RELB: variants seen among roughly 807,000 people sequenced by gnomAD.
The protein encoded by RELB is transcription factor RelB.
In RELB, 14 loss-of-function variants were observed where a neutral mutation model predicts 55.4. That is an observed-to-expected ratio of 0.25 (90% CI 0.17 to 0.40). The LOEUF (loss-of-function observed/expected upper bound fraction) is 0.40, where lower values mean the gene tolerates loss of function less well. Among genes scored for constraint, RELB ranks in the 10% least tolerant of loss-of-function variants. The pLI is 1.00. For synonymous variants in RELB, 409 were observed against 371.3 expected (o/e 1.10, Z -1.17); for missense variants, 669 against 830.7 (o/e 0.81, Z 2.39).
At chr19:45,003,892 G>T (rs1450264926) in intron 2 of RELB, among the ~76,000 whole-genome samples, 3 of 137,708 alleles carry the variant, frequency 2.2e-5, no homozygotes, top group African/African-American at 5.3e-5. Context: ...TGTGTGTGTG[G>T]GTTTTTTTTG....
At chr19:45,006,551 G>A (rs1971284393) in intron 2 of RELB, among the ~76,000 whole-genome samples, 1 of 152,006 alleles carries the variant, frequency 6.6e-6, no homozygotes, top group Admixed American at 6.6e-5. Flanking sequence ...TGGACCCTGG[G>A]GATAAAATGA....
At position 45,037,576 on chromosome 19, in the gene RELB, C is replaced by A. The variant is rs776495576; in HGVS notation, c.1526C>A (p.Pro509Gln). The A allele has an allele frequency of 6.2e-7, 1 of 1,612,508 alleles. No homozygotes were observed. Among genetic ancestry groups the A allele is most frequent in the South Asian group, 1.1e-5 (1 of 91,034 alleles). Reference sequence around the variant, plus strand: ...ATGCTGGACCTGCTGCCCCCGGCACCGCCACACGCTAGCGCTGTTGTGTGC... The same window carrying A: ...ATGCTGGACCTGCTGCCCCCGGCACAGCCACACGCTAGCGCTGTTGTGTGC... ...FTMLDLLPPA[P>Q]PHASAVVCSG... The change falls in exon 12 of 12, where the codon CCG (proline) becomes CAG (glutamine). Residue 509 changes from proline (P) to glutamine (Q), a missense_variant. Pro to Gln is a moderately conservative substitution (Grantham distance 76, BLOSUM62 -1). Transcript: ENST00000221452.
intron 5 of RELB, 26 bp from the exon 6 acceptor site, chr19:45,025,303 C>G (rs764183116): frequency 4.5e-6 from 7 of 1,561,234 alleles, no homozygotes; most frequent in Middle Eastern, 3.3e-4. Context: ...ACGAGCACTC[C>G]TCTCCCTCCC....
intron 4 of RELB, among the ~76,000 whole-genome samples, chr19:45,012,832 C>T (rs1309571608): frequency 3.3e-5 from 5 of 151,704 alleles, no homozygotes; most frequent in African/African-American, 4.8e-5. Flanking sequence ...GCGGATCACT[C>T]GAGCTCAGGA....
Position 45,001,659 on chromosome 19 carries a change from C to G in RELB, c.80C>G (p.Pro27Arg), listed in dbSNP as rs1206106496. 7 of 1,521,830 alleles carry G rather than the reference C, an allele frequency of 4.6e-6. No individual in the cohort carries two copies. In the African/African-American group the frequency reaches 7.0e-5, roughly 15 times the overall value. The allele number at this position is 1,521,830 out of a possible 1,614,324, so 94.3% of individuals were successfully genotyped here. A position where few individuals can be genotyped will look rare whatever the true frequency, so the allele number is the denominator to read the frequency against. ...AMPSRRVARPPAAPELGALGS... is the reference protein window; with the variant it reads ...AMPSRRVARPRAAPELGALGS... The stretch of plus-strand genomic sequence containing the variant: ...CCGAGTCGCCGCGTCGCCAGACCGC[C>G]GGCTGCGCCGGAGCTGGGGGCCTTA... Residue 27 changes from proline (P) to arginine (R), a missense_variant, in exon 1 of 12, where the codon CCG (proline) becomes CGG (arginine). Physicochemically the swap from Pro to Arg is moderately radical, Grantham distance 103. Around this residue, in one of 3 missense-constraint regions of RELB, gnomAD observed 323 missense variants for 368.5 expected, o/e 0.88. Coordinates refer to ENST00000221452, the MANE Select transcript of RELB (RefSeq NM_006509.4).
chr19:45,004,466 C>A (rs983131354), intron 2 of RELB, among the ~76,000 whole-genome samples: 1 of 150,656 alleles, frequency 6.6e-6, no homozygotes. Context: ...TCAAAGGATC[C>A]GCCCTCCTCG....
intron 4 of RELB, among the ~76,000 whole-genome samples, chr19:45,020,226 T>TC (rs947045750): frequency 1.7e-4 from 24 of 144,986 alleles, no homozygotes; most frequent in South Asian, 1.3e-3. Context: ...TCTCTCTCTC[T>TC]TTTTTTTTTT....
chr19:45,003,606 G>T (rs756904691), intron 2 of RELB: 2 of 518,298 alleles, frequency 3.9e-6, no homozygotes, highest in Non-Finnish European at 7.7e-6. Context: ...TGGAGCTGGG[G>T]TTTACATACT....
At chr19:45,010,314 C>CAAAAAAAAAAAAAAAAAAAAAA (rs1225856268) in intron 3 of RELB, among the ~76,000 whole-genome samples, 1 of 137,552 alleles carries the variant, frequency 7.3e-6, no homozygotes, top group Non-Finnish European at 1.7e-5. Flanking sequence ...GACCGTGTCT[C>CAAAAAAAAAAAAAAAAAAAAAA]AAAAAGAAAA....
intron 2 of RELB, chr19:45,003,542 T>G (rs776888466): frequency 2.1e-5 from 11 of 517,320 alleles, no homozygotes; most frequent in African/African-American, 1.2e-4. Flanking sequence ...CGCAAAGGCT[T>G]CTTTAGAGAT....
intron 7 of RELB, among the ~76,000 whole-genome samples, chr19:45,027,089 C>T (rs917807238): frequency 4.0e-5 from 6 of 151,870 alleles, no homozygotes; most frequent in East Asian, 3.9e-4. Flanking sequence ...AAAAATTAGC[C>T]GGGCGTCGTG....
intron 7 of RELB, among the ~76,000 whole-genome samples, chr19:45,025,982 C>T (rs1454520957): frequency 3.3e-5 from 5 of 152,002 alleles, no homozygotes; most frequent in Admixed American, 6.6e-5. Context: ...TGGCTCATGC[C>T]GGTAATCCCA....
intron 1 of RELB, among the ~76,000 whole-genome samples, chr19:45,002,089 C>T (rs1971218787): frequency 1.6e-5 from 2 of 125,846 alleles, no homozygotes. Context: ...AAGCAGGGCC[C>T]TACGCTGAGG....
In RELB at chr19:45,022,219, C is replaced by T; in HGVS notation, c.662+9C>T. 1 of 1,584,742 alleles carries T rather than the reference C, an allele frequency of 6.3e-7. No homozygotes were observed. On this transcript the variant is annotated intron_variant, in intron 5 of 11. Transcript: ENST00000221452. The stretch of plus-strand genomic sequence containing the variant: ...GTCAGCCCCCGGCACAGGTACCCAC[C>T]CCCTGACCTCCGACCTCTCATCCTT...
intron 4 of RELB, among the ~76,000 whole-genome samples, chr19:45,021,151 A>C (rs1342691904): frequency 6.6e-6 from 1 of 151,570 alleles, no homozygotes; most frequent in Admixed American, 6.6e-5. Flanking sequence ...ACTCTAGCTT[A>C]GGTGATACAG....
chr19:45,009,130 G>A (rs181545236), intron 2 of RELB, among the ~76,000 whole-genome samples: 1 of 152,128 alleles, frequency 6.6e-6, no homozygotes, highest in African/African-American at 2.4e-5. Context: ...GTCCAGGCTG[G>A]AGTGCAGTGA....
chr19:45,037,866 G>T lies in RELB; in HGVS notation c.*76G>T. 1 of 1,383,448 alleles carries T rather than the reference G, an allele frequency of 7.2e-7. No homozygotes were observed. 85.7% of individuals were successfully genotyped at this position (1,383,448 alleles called of 1,614,324 possible). A position where few individuals can be genotyped will look rare whatever the true frequency, so the allele number is the denominator to read the frequency against. ...CGTGCAATCCCAACCAGGATGTCTA[G>T]CACCCCCATCCCCTTGGCCCTTCCT... On this transcript the variant is annotated 3_prime_UTR_variant, in exon 12 of 12. Coordinates refer to ENST00000221452, the MANE Select transcript of RELB (RefSeq NM_006509.4).
chr19:45,012,332 G>C, intron 4 of RELB, 56 bp downstream of exon 4: 2 of 1,146,044 alleles, frequency 1.7e-6, no homozygotes, highest in Non-Finnish European at 2.3e-6. Context: ...CTGCACCCCG[G>C]AGCCATCCAC....
chr19:45,037,846 A>G lies in RELB; in HGVS notation c.*56A>G, dbSNP rs917952628. 5 of 1,445,078 alleles carry G rather than the reference A, an allele frequency of 3.5e-6. No homozygotes were observed. Among genetic ancestry groups the G allele is most frequent in the Admixed American group, 5.3e-5 (2 of 37,728 alleles). The allele number at this position is 1,445,078 out of a possible 1,614,324, so 89.5% of individuals were successfully genotyped here. On this transcript the variant is annotated 3_prime_UTR_variant, in exon 12 of 12. Transcript: ENST00000221452. ...GGGGAGGGAGGTGGAGGAGCCGTGCAATCCCAACCAGGATGTCTAGCACCC... is the reference window on the plus strand; with the variant it reads ...GGGGAGGGAGGTGGAGGAGCCGTGCGATCCCAACCAGGATGTCTAGCACCC...
Sources: gnomAD v4.1 joint callset for allele counts (sites outside exome capture counted in the v4.1 genomes callset) on GRCh38, gnomAD v4.1.1 for gene constraint, gnomAD v4.1.1 regional missense constraint, MANE v1.5 for transcripts, NCBI Gene and HGNC (gene_info 2026-07-23, HGNC 2026-07-21) for gene names.